The following MANBA variants were observed in gnomAD, a reference collection of about 807,000 sequenced individuals.
MANBA encodes beta-mannosidase.
A neutral mutation model predicts 111.1 loss-of-function variants in MANBA; 83 were observed. That is an observed-to-expected ratio of 0.75 (90% CI 0.63 to 0.90). The LOEUF (loss-of-function observed/expected upper bound fraction) is 0.90, where lower values mean the gene tolerates loss of function less well. Among genes scored for constraint, MANBA ranks in the 40% least tolerant of loss-of-function variants. MANBA has a pLI of 0.00. For synonymous variants in MANBA, 370 were observed against 378.7 expected, an observed-to-expected ratio of 0.98 and a Z score of 0.27; for missense variants, 1,036 against 1,069.0, an observed-to-expected ratio of 0.97 and a Z score of 0.43.
chr4:102,648,542 GAC>G (rs2110201364), intron 13 of MANBA, among the ~76,000 whole-genome samples: 1 of 152,176 alleles, frequency 6.6e-6, no homozygotes, highest in African/African-American at 2.4e-5. Context: ...AATCTATAGA[GAC>G]AGAAAATAGA....
At chr4:102,644,528 C>T (rs1009503499) in intron 13 of MANBA, among the ~76,000 whole-genome samples, 1 of 152,012 alleles carries the variant, frequency 6.6e-6, no homozygotes, top group Non-Finnish European at 1.5e-5. Flanking sequence ...CACAGACAAA[C>T]AAATACTACA....
rs1443611530 is a variant in MANBA at position 102,685,182 on chromosome 4, G to A, written c.960+4392C>T. ...GGGAGGGGAGAGTTTGAGGTGTGAAGTGCTAGTAATTAATGTTCTGTTTCT... is the reference window on the plus strand; with the variant it reads ...GGGAGGGGAGAGTTTGAGGTGTGAAATGCTAGTAATTAATGTTCTGTTTCT... On this transcript the variant is annotated intron_variant, in intron 7 of 16. Transcript: ENST00000647097. Among the ~76,000 whole-genome samples, 3 of 152,140 alleles carry A rather than the reference G, an allele frequency of 2.0e-5. No homozygotes were observed. The South Asian group carries it at 6.2e-4, about 32-fold the overall frequency.
chr4:102,702,912 A>G (rs924558667), intron 5 of MANBA, among the ~76,000 whole-genome samples: 1 of 152,226 alleles, frequency 6.6e-6, no homozygotes, highest in East Asian at 1.9e-4. Context: ...AGTGTCCCAT[A>G]GACAAATTAG....
intron 1 of MANBA, among the ~76,000 whole-genome samples, chr4:102,732,618 G>A (rs576275900): frequency 6.6e-6 from 1 of 152,336 alleles, no homozygotes; most frequent in East Asian, 1.9e-4. Flanking sequence ...AGTGACTGAT[G>A]AGATTTAAAA....
At chr4:102,717,605 G>A (rs1722394344) in intron 4 of MANBA, among the ~76,000 whole-genome samples, 1 of 152,002 alleles carries the variant, frequency 6.6e-6, no homozygotes, top group South Asian at 2.1e-4. Context: ...TGTTGTCCAA[G>A]CTGATCTTAA....
At chr4:102,713,733 C>A (rs1722184644) in intron 5 of MANBA, among the ~76,000 whole-genome samples, 1 of 151,954 alleles carries the variant, frequency 6.6e-6, no homozygotes, top group East Asian at 1.9e-4. Flanking sequence ...CCCATCTCTA[C>A]TAAAAATACA....
chr4:102,672,625 C>T (rs186282661), intron 8 of MANBA, among the ~76,000 whole-genome samples: 11 of 152,212 alleles, frequency 7.2e-5, no homozygotes, highest in Admixed American at 4.6e-4. Context: ...CCCCAGGCCA[C>T]GGACTGGACC....
At chr4:102,706,113 C>A (rs1176471516) in intron 5 of MANBA, among the ~76,000 whole-genome samples, 1 of 152,206 alleles carries the variant, frequency 6.6e-6, no homozygotes, top group East Asian at 1.9e-4. Context: ...CCACTGCCAG[C>A]ACCCAAGCAG....
At chr4:102,750,348 A>C (rs565615659) in intron 1 of MANBA, among the ~76,000 whole-genome samples, 1 of 152,186 alleles carries the variant, frequency 6.6e-6, no homozygotes, top group South Asian at 2.1e-4. Flanking sequence ...TATCATTCTC[A>C]GTATTCAAAC....
At chr4:102,733,776 C>T (rs891438548) in intron 1 of MANBA, among the ~76,000 whole-genome samples, 55 of 152,214 alleles carry the variant, frequency 3.6e-4, no homozygotes, top group African/African-American at 1.3e-3. Flanking sequence ...ACTATTCTTC[C>T]ATGGCCCCAT....
intron 1 of MANBA, among the ~76,000 whole-genome samples, chr4:102,753,283 T>A (rs1468836179): frequency 6.6e-6 from 1 of 151,604 alleles, no homozygotes; most frequent in Non-Finnish European, 1.5e-5. Flanking sequence ...AACACTTTTT[T>A]ACAGTGGTCT....
intron 1 of MANBA, among the ~76,000 whole-genome samples, chr4:102,756,797 T>TAAAAAAAAAAAAAA (rs35787338): frequency 4.2e-5 from 3 of 72,004 alleles, no homozygotes; most frequent in Non-Finnish European, 7.8e-5. Context: ...AGAGACTATC[T>TAAAAAAAAAAAAAA]AAAAAAAAAA....
At position 102,639,760 on chromosome 4, in the gene MANBA, T is replaced by C; in HGVS notation, c.1967A>G (p.Tyr656Cys). 6.2e-7 allele frequency: 1 copy of C among 1,614,124 alleles called. No homozygotes were observed. The highest frequency in any genetic ancestry group is 8.5e-7 in the Non-Finnish European group (1 of 1,180,002). ...TTGCCAGATGTCATTCAACTGCCAA[T>C]AAAGTGCCCCCATCGTGTGCCCTTG... Reference protein sequence around the residue: ...DQQGHTMGALYWQLNDIWQAP... With the variant: ...DQQGHTMGALCWQLNDIWQAP... The change falls in exon 14 of 17, where the codon TAT (tyrosine) becomes TGT (cysteine). Residue 656 changes from tyrosine (Y) to cysteine (C), a missense_variant. By Grantham distance (194) the Tyr-to-Cys change is radical. Transcript: ENST00000647097.
intron 5 of MANBA, among the ~76,000 whole-genome samples, chr4:102,707,930 A>G (rs903409731): frequency 5.3e-5 from 8 of 152,196 alleles, no homozygotes; most frequent in Non-Finnish European, 1.0e-4. Context: ...TCACTATATC[A>G]TGATAAAATG....
intron 12 of MANBA, among the ~76,000 whole-genome samples, chr4:102,651,064 C>A (rs1452459606): frequency 6.6e-6 from 1 of 151,660 alleles, no homozygotes; most frequent in Non-Finnish European, 1.5e-5. Context: ...AACATTTTAT[C>A]TAGTATTCGT....
rs138343669 is a variant in MANBA at position 102,752,224 on chromosome 4, G to A, written c.177+8494C>T. On this transcript the variant is annotated intron_variant, in intron 1 of 16. Coordinates refer to ENST00000647097, the MANE Select transcript of MANBA (RefSeq NM_005908.4). Reference sequence around the variant, plus strand: ...CATCTTGGGACCATACAATTAGAGTGTAGGATGTTGAGTCTGACAGTCTGA... The same window carrying A: ...CATCTTGGGACCATACAATTAGAGTATAGGATGTTGAGTCTGACAGTCTGA... 1.9e-4 allele frequency: 170 copies of A among 899,624 alleles called. 1 individual carries two copies. In the East Asian group the frequency reaches 4.1e-3, roughly 22 times the overall value. 55.7% of individuals were successfully genotyped at this position (899,624 alleles called of 1,614,324 possible). A position where few individuals can be genotyped will look rare whatever the true frequency, so the allele number is the denominator to read the frequency against.
intron 5 of MANBA, among the ~76,000 whole-genome samples, chr4:102,694,013 T>C (rs1447787212): frequency 6.6e-6 from 1 of 152,220 alleles, no homozygotes; most frequent in Non-Finnish European, 1.5e-5. Context: ...CCTGTGTTGT[T>C]TTCTGTTACT....
chr4:102,653,309 T>A (rs1475674565), intron 12 of MANBA, among the ~76,000 whole-genome samples: 1 of 149,856 alleles, frequency 6.7e-6, no homozygotes, highest in Non-Finnish European at 1.5e-5. Flanking sequence ...ATGAGGAAAC[T>A]GAAATTCAGA....
At chr4:102,745,058 G>A (rs1298543500) in intron 1 of MANBA, among the ~76,000 whole-genome samples, 2 of 152,112 alleles carry the variant, frequency 1.3e-5, no homozygotes, top group Non-Finnish European at 1.5e-5. Flanking sequence ...CTGTAAGTCA[G>A]ACCTGAGCTA....
Sources: gnomAD v4.1 joint callset for allele counts (sites outside exome capture counted in the v4.1 genomes callset) on GRCh38, gnomAD v4.1.1 for gene constraint, MANE v1.5 for transcripts, NCBI Gene and HGNC (gene_info 2026-07-23, HGNC 2026-07-21) for gene names.